The following NARS2 variants were observed in gnomAD, a reference collection of about 807,000 sequenced individuals.
NARS2 encodes the protein asparaginyl-tRNA synthetase.
Under a neutral mutation model 62.9 loss-of-function variants are expected in NARS2, and 60 were observed. The observed-to-expected ratio is 0.95, with a 90% CI of 0.77 to 1.18. The LOEUF (loss-of-function observed/expected upper bound fraction) is 1.18, where lower values mean the gene tolerates loss of function less well. NARS2 is among the 50% of genes most tolerant of loss of function. The pLI is 0.00. For synonymous variants in NARS2, 196 were observed against 200.0 expected (o/e 0.98, Z 0.17); for missense variants, 619 against 576.4 (o/e 1.07, Z -0.76).
chr11:78,517,184 AG>A (rs1348732229), intron 6 of NARS2, among the ~76,000 whole-genome samples: 1 of 152,152 alleles, frequency 6.6e-6, no homozygotes, highest in Non-Finnish European at 1.5e-5. Flanking sequence ...GAAGCAAATG[AG>A]TGAAAGGATT....
At chr11:78,487,566 TCCC>T (rs1859635185) in intron 7 of NARS2, among the ~76,000 whole-genome samples, 2 of 151,528 alleles carry the variant, frequency 1.3e-5, no homozygotes, top group Middle Eastern at 3.4e-3. Context: ...GGCTGAAAAC[TCCC>T]CCAAGTTGGC....
chr11:78,570,443 A>G (rs1856884602), intron 2 of NARS2, among the ~76,000 whole-genome samples: 1 of 152,196 alleles, frequency 6.6e-6, no homozygotes, highest in Non-Finnish European at 1.5e-5. Flanking sequence ...GCTGGACTGC[A>G]GTGGCAAGAT....
chr11:78,560,024 C>T (rs897095233), intron 4 of NARS2, among the ~76,000 whole-genome samples: 1 of 152,188 alleles, frequency 6.6e-6, no homozygotes, highest in Non-Finnish European at 1.5e-5. Flanking sequence ...AACACATACG[C>T]ACACTATAGG....
chr11:78,574,155 C>G (rs1242423453), intron 1 of NARS2, among the ~76,000 whole-genome samples, 193 bp downstream of exon 1: 1 of 152,196 alleles, frequency 6.6e-6, no homozygotes, highest in African/African-American at 2.4e-5. Context: ...AAAGTTCCAG[C>G]GCTTTACAGT....
At chr11:78,456,745 G>A (rs1012617745) in intron 11 of NARS2, among the ~76,000 whole-genome samples, 3 of 152,130 alleles carry the variant, frequency 2.0e-5, no homozygotes, top group Non-Finnish European at 4.4e-5. Context: ...CTAATTACAC[G>A]TGTGTAGAAT....
intron 11 of NARS2, among the ~76,000 whole-genome samples, chr11:78,457,741 G>T (rs961404921): frequency 2.0e-5 from 3 of 151,966 alleles, no homozygotes; most frequent in African/African-American, 4.8e-5. Context: ...TAAGATACTT[G>T]TGAGTGCGAT....
At chr11:78,446,782 G>C (rs1357221012) in intron 11 of NARS2, among the ~76,000 whole-genome samples, 1 of 152,000 alleles carries the variant, frequency 6.6e-6, no homozygotes, top group Non-Finnish European at 1.5e-5. Flanking sequence ...ATTAGTCTGG[G>C]CAATGATTTT....
intron 9 of NARS2, among the ~76,000 whole-genome samples, chr11:78,472,786 G>A (rs1858930276): frequency 6.6e-6 from 1 of 152,154 alleles, no homozygotes; most frequent in South Asian, 2.1e-4. Flanking sequence ...AGTAGATTCA[G>A]CTACACCAGT....
In NARS2 at chr11:78,493,089, CA is replaced by C. The variant is rs746019265; in HGVS notation, c.795del (p.Phe265LeufsTer12). On this transcript the variant is annotated frameshift_variant, in exon 7 of 14. Transcript: ENST00000281038. LOFTEE classifies it high-confidence loss of function. ...EFYMIEAEIS[F>X]VDSLQDLMQV... ...TGCATAAGATCTTGAAGGCTGTCAA[CA>C]AAAGAAATCTCTGCTTCTATCATAT... 1.2e-6 allele frequency: 2 copies of C among 1,613,218 alleles called. No individual in the cohort carries two copies. Among genetic ancestry groups the C allele is most frequent in the Non-Finnish European group, 1.7e-6 (2 of 1,179,728 alleles).
Position 78,527,766 on chromosome 11 carries a change from GAAAAA to G in NARS2, c.689+1071_689+1075del, listed in dbSNP as rs2135425137. On this transcript the variant is annotated intron_variant, in intron 6 of 13. Transcript: ENST00000281038. ...TCTCTATAATGAGAAAATATTTAAA[GAAAAA>G]GATACATAAAGAAAACTCAGTACTT... Among the ~76,000 whole-genome samples the G allele has an allele frequency of 2.6e-5, 4 of 152,068 alleles. 1 individual carries two copies. Among genetic ancestry groups the G allele is most frequent in the Admixed American group, 2.6e-4 (4 of 15,262 alleles).
rs961290117 is a variant in NARS2 at position 78,441,082 on chromosome 11, C to T, written c.1289+9G>A. 6.2e-7 allele frequency: 1 copy of T among 1,611,488 alleles called. No homozygotes were observed. The highest frequency in any genetic ancestry group is 8.5e-7 in the Non-Finnish European group (1 of 1,178,722). On this transcript the variant is annotated intron_variant, in intron 13 of 13. Coordinates refer to ENST00000281038, the MANE Select transcript of NARS2 (RefSeq NM_024678.6). Reference sequence around the variant, plus strand: ...CTAGAGTAAGAATTATTAGGGGCCACATTCTTACCATTGGTAGACTTCTGT... The same window carrying T: ...CTAGAGTAAGAATTATTAGGGGCCATATTCTTACCATTGGTAGACTTCTGT...
chr11:78,516,753 C>T (rs182395979), intron 6 of NARS2, among the ~76,000 whole-genome samples: 76 of 152,238 alleles, frequency 5.0e-4, no homozygotes, highest in African/African-American at 1.6e-3. Flanking sequence ...ATAATAATTT[C>T]AATATTTTCT....
chr11:78,496,202 G>A (rs1235736076), intron 6 of NARS2, among the ~76,000 whole-genome samples: 2 of 152,130 alleles, frequency 1.3e-5, no homozygotes, highest in African/African-American at 4.8e-5. Context: ...TTAAGCAGAT[G>A]AATGTTTAAA....
At chr11:78,447,661 T>C (rs921374690) in intron 11 of NARS2, among the ~76,000 whole-genome samples, 2 of 152,148 alleles carry the variant, frequency 1.3e-5, no homozygotes, top group Non-Finnish European at 2.9e-5. Flanking sequence ...AAAATACTAT[T>C]CAGCCTTAAG....
chr11:78,496,028 TA>T (rs1860041779), intron 6 of NARS2, among the ~76,000 whole-genome samples: 1 of 152,156 alleles, frequency 6.6e-6, no homozygotes, highest in Admixed American at 6.5e-5. Flanking sequence ...CAATAATTTT[TA>T]TTTCAATTAT....
intron 9 of NARS2, among the ~76,000 whole-genome samples, chr11:78,476,996 T>C (rs749240150): frequency 5.9e-5 from 9 of 152,338 alleles, no homozygotes; most frequent in Middle Eastern, 6.8e-3. Context: ...ATGAGAATAA[T>C]AACTACTTGG....
intron 6 of NARS2, among the ~76,000 whole-genome samples, chr11:78,504,434 G>GTTTGGTT (rs770592449): frequency 1.1e-4 from 7 of 61,390 alleles, no homozygotes; most frequent in East Asian, 3.9e-4. Context: ...CAAAACACCA[G>GTTTGGTT]TTTTTTTTTT....
At chr11:78,454,784 A>G (rs1026021859) in intron 11 of NARS2, among the ~76,000 whole-genome samples, 6 of 151,916 alleles carry the variant, frequency 3.9e-5, no homozygotes, top group African/African-American at 1.5e-4. Context: ...ACGCTCAGCT[A>G]ATTTTTCGTA....
intron 11 of NARS2, among the ~76,000 whole-genome samples, chr11:78,456,064 T>C (rs959794764): frequency 6.6e-6 from 1 of 152,180 alleles, no homozygotes; most frequent in Non-Finnish European, 1.5e-5. Context: ...TCTTATTTAG[T>C]TAAGTGAGAC....
Sources: allele counts gnomAD v4.1 joint callset (sites outside exome capture counted in the v4.1 genomes callset), GRCh38; gene constraint gnomAD v4.1.1; transcripts MANE v1.5; gene names NCBI Gene and HGNC (gene_info 2026-07-23, HGNC 2026-07-21).